The following KAZN variants were observed in gnomAD, a reference collection of about 807,000 sequenced individuals.
KAZN encodes kazrin, periplakin interacting protein.
In KAZN, 40 loss-of-function variants were observed where a neutral mutation model predicts 87.4. The observed-to-expected ratio is 0.46, with a 90% confidence interval of 0.36 to 0.60. The LOEUF (loss-of-function observed/expected upper bound fraction) is 0.60, where lower values mean the gene tolerates loss of function less well. Among genes scored for constraint, KAZN ranks in the 20% least tolerant of loss-of-function variants. The pLI is 0.00. For missense variants in KAZN, 898 were observed against 1,073.9 expected (o/e 0.84, Z 2.29); for synonymous variants, 466 against 458.3 (o/e 1.02, Z -0.22).
At chr1:14,539,470 A>G (rs1306692421) in intron 2 of KAZN, among the ~76,000 whole-genome samples, 1 of 152,226 alleles carries the variant, frequency 6.6e-6, no homozygotes, top group Non-Finnish European at 1.5e-5. Context: ...CAAATGTACC[A>G]TGGTTCTGTG....
At chr1:13,895,698 C>T (rs12059879) in intron 1 of KAZN, among the ~76,000 whole-genome samples, 34,240 of 152,058 alleles carry the variant, frequency 0.23, 4,074 homozygotes, top group African/African-American at 0.24. Flanking sequence ...GAAAATGATT[C>T]GCAGACTCTA....
At chr1:14,016,028 A>G (rs115565751) in intron 1 of KAZN, among the ~76,000 whole-genome samples, 3,433 of 152,142 alleles carry the variant, frequency 0.023, 129 homozygotes, top group African/African-American at 0.077. Flanking sequence ...GGCACTCAAA[A>G]CGGAAAGCTC....
intron 1 of KAZN, among the ~76,000 whole-genome samples, chr1:14,925,935 A>C (rs1304962832): frequency 6.6e-6 from 1 of 152,226 alleles, no homozygotes; most frequent in Admixed American, 6.5e-5. Flanking sequence ...GAGTTTGGTC[A>C]AGTTGCTTCA....
intron 1 of KAZN, among the ~76,000 whole-genome samples, chr1:13,988,233 G>A (rs1271538671): frequency 2.0e-5 from 3 of 152,126 alleles, no homozygotes; most frequent in Non-Finnish European, 4.4e-5. Context: ...TTGAATAGGT[G>A]AGAAAGACCA....
intron 1 of KAZN, among the ~76,000 whole-genome samples, chr1:14,834,420 GGC>G (rs1647155773): frequency 2.0e-5 from 3 of 147,502 alleles, no homozygotes; most frequent in African/African-American, 7.6e-5. Context: ...GGAGTGCAGT[GGC>G]ATGATCTCGG....
intron 2 of KAZN, among the ~76,000 whole-genome samples, chr1:14,201,689 G>A (rs905064611): frequency 1.3e-5 from 2 of 152,168 alleles, no homozygotes; most frequent in Non-Finnish European, 1.5e-5. Context: ...TTTTCTTGAG[G>A]TGAAGTTTCG....
chr1:14,654,268 C>T (rs968057962), intron 1 of KAZN, among the ~76,000 whole-genome samples: 6 of 118,484 alleles, frequency 5.1e-5, no homozygotes, highest in Admixed American at 1.0e-4. Flanking sequence ...GCCTGGGCAA[C>T]AAGAGTGAGG....
intron 1 of KAZN, among the ~76,000 whole-genome samples, chr1:14,642,841 TA>T (rs1004392589): frequency 3.3e-5 from 5 of 152,062 alleles, no homozygotes; most frequent in South Asian, 4.2e-4. Context: ...TATAAGGGTT[TA>T]AAAAAAATGG....
upstream of KAZN, chr1:14,598,582 C>T: frequency 1.2e-6 from 1 of 849,478 alleles, no homozygotes; most frequent in Non-Finnish European, 1.4e-6. This position sits in a 1 kb window ranked among gnomAD's most constrained non-coding sequence, Gnocchi z 4.2. Context: ...AGTACGGGGG[C>T]GCGGGAGGCC....
At chr1:14,632,712 G>A (rs1308277830) in intron 1 of KAZN, among the ~76,000 whole-genome samples, 3 of 152,008 alleles carry the variant, frequency 2.0e-5, no homozygotes, top group African/African-American at 7.3e-5. Context: ...GAGACCGCAA[G>A]TGTAAACCTG....
intron 2 of KAZN, among the ~76,000 whole-genome samples, chr1:14,512,168 G>T (rs1344145803): frequency 2.0e-5 from 3 of 152,122 alleles, no homozygotes; most frequent in Non-Finnish European, 2.9e-5. Flanking sequence ...AGGATGATTT[G>T]TGTGTTCGCG....
At position 14,094,521 on chromosome 1, in the gene KAZN, A is replaced by C. The variant is rs79493806; in HGVS notation, c.92-85914A>C. Among the ~76,000 whole-genome samples, 660 of 152,314 alleles carry C rather than the reference A, an allele frequency of 4.3e-3. 3 individuals carry two copies. The highest frequency in any genetic ancestry group is 0.015 in the African/African-American group (630 of 41,562). Reference sequence around the variant, plus strand: ...TAACTACACAGTATCCACACAATAGACAACTGTTCAGCACCTTAAAAGAAT... The same window carrying C: ...TAACTACACAGTATCCACACAATAGCCAACTGTTCAGCACCTTAAAAGAAT... On this transcript the variant is annotated intron_variant, in intron 1 of 16. Transcript: ENST00000636203.
chr1:14,888,557 T>C (rs925134378), intron 1 of KAZN, among the ~76,000 whole-genome samples: 1 of 151,902 alleles, frequency 6.6e-6, no homozygotes, highest in African/African-American at 2.4e-5. Context: ...GCTTTTTGCG[T>C]GACTATTAAT....
intron 2 of KAZN, among the ~76,000 whole-genome samples, chr1:14,425,893 T>C (rs934970781): frequency 6.6e-6 from 1 of 152,184 alleles, no homozygotes; most frequent in Admixed American, 6.5e-5. Flanking sequence ...AGAGCCCAGG[T>C]GCACTCAACA....
chr1:14,976,411 C>T (rs1665627682), intron 2 of KAZN, among the ~76,000 whole-genome samples: 1 of 152,214 alleles, frequency 6.6e-6, no homozygotes, highest in Non-Finnish European at 1.5e-5. Context: ...GCTCACCCGG[C>T]AGCACAGACC....
At chr1:14,431,025 AG>A (rs1666034151) in intron 2 of KAZN, among the ~76,000 whole-genome samples, 1 of 152,240 alleles carries the variant, frequency 6.6e-6, no homozygotes, top group African/African-American at 2.4e-5. Flanking sequence ...TCTCTGGAGA[AG>A]TTATCATGGT....
At chr1:15,020,269 A>G (rs937973154) in intron 2 of KAZN, among the ~76,000 whole-genome samples, 3 of 152,186 alleles carry the variant, frequency 2.0e-5, no homozygotes, top group Non-Finnish European at 4.4e-5. Context: ...TGCTGTTTCT[A>G]AAAGCTTTTA....
chr1:14,266,186 T>C (rs1006132781), intron 2 of KAZN, among the ~76,000 whole-genome samples: 1 of 152,226 alleles, frequency 6.6e-6, no homozygotes, highest in Non-Finnish European at 1.5e-5. Context: ...TACCTGTGTC[T>C]GGATGGCACT....
At chr1:14,157,567 A>C (rs993746370) in intron 1 of KAZN, among the ~76,000 whole-genome samples, 4 of 152,150 alleles carry the variant, frequency 2.6e-5, no homozygotes, top group Non-Finnish European at 5.9e-5. Flanking sequence ...CCTGGCCTGT[A>C]AGGTTTCCAC....
Sources: allele counts gnomAD v4.1 joint callset (sites outside exome capture counted in the v4.1 genomes callset), GRCh38; gene constraint gnomAD v4.1.1; non-coding constraint Gnocchi (gnomAD v3.1); transcripts MANE v1.5; gene names NCBI Gene and HGNC (gene_info 2026-07-23, HGNC 2026-07-21).